The following PPP2R2B variants were observed in gnomAD, a reference collection of about 807,000 sequenced individuals.
PPP2R2B encodes the protein serine/threonine-protein phosphatase 2A 55 kDa regulatory subunit B beta isoform.
A neutral mutation model predicts 46.0 loss-of-function variants in PPP2R2B; 5 were observed. The observed-to-expected ratio is 0.11, with a 90% confidence interval of 0.06 to 0.23. The LOEUF is 0.23. PPP2R2B is among the 10% of genes least tolerant of loss of function. The probability of loss-of-function intolerance (pLI) is 1.00; values close to 1 mark genes in which losing one functional copy is unlikely to be tolerated. For synonymous variants in PPP2R2B, 215 were observed against 206.7 expected (o/e 1.04, Z -0.34); for missense variants, 367 against 575.0 (o/e 0.64, Z 3.70).
chr5:147,077,723 C>G (rs532104175), intron 2 of PPP2R2B, among the ~76,000 whole-genome samples: 6 of 152,114 alleles, frequency 3.9e-5, no homozygotes, highest in Non-Finnish European at 2.9e-5. Context: ...TGTGACCAAC[C>G]TAATTCTTCT....
intron 1 of PPP2R2B, among the ~76,000 whole-genome samples, chr5:146,943,039 C>T (rs563245783): frequency 6.6e-5 from 10 of 152,198 alleles, no homozygotes; most frequent in South Asian, 2.1e-4. Flanking sequence ...ACTCGTGATC[C>T]GCCCACCTGG....
upstream of PPP2R2B, among the ~76,000 whole-genome samples, chr5:147,060,650 A>AAAC (rs1561606421): frequency 4.6e-5 from 7 of 152,090 alleles, no homozygotes; most frequent in African/African-American, 1.7e-4. Flanking sequence ...GAAACAACAA[A>AAAC]AAAACAAAAC....
chr5:146,768,888 C>CT (rs35054666), intron 2 of PPP2R2B, among the ~76,000 whole-genome samples: 82,769 of 145,250 alleles, frequency 0.57, 24,904 homozygotes, highest in Non-Finnish European at 0.67. Flanking sequence ...TTTGTTGTTA[C>CT]TTTTTTTTTT....
chr5:146,818,670 A>G (rs888177388), intron 2 of PPP2R2B, among the ~76,000 whole-genome samples: 12 of 152,154 alleles, frequency 7.9e-5, no homozygotes, highest in African/African-American at 2.9e-4. Flanking sequence ...TTTCTACTTT[A>G]CAGATGAGAA....
intron 6 of PPP2R2B, among the ~76,000 whole-genome samples, chr5:146,643,204 G>C (rs575721756): frequency 4.6e-5 from 7 of 152,170 alleles, no homozygotes; most frequent in Middle Eastern, 3.4e-3. Flanking sequence ...GAGAGAGAGA[G>C]AGGGAGACAG....
At chr5:146,749,752 C>T (rs1753434065) in intron 2 of PPP2R2B, among the ~76,000 whole-genome samples, 1 of 151,876 alleles carries the variant, frequency 6.6e-6, no homozygotes, top group Admixed American at 6.6e-5. Context: ...GCGCCTGCCA[C>T]CATGCCCGGC....
chr5:146,698,124 A>G lies in PPP2R2B; in HGVS notation c.189T>C (p.Arg63=), dbSNP rs1779288556. 1 of 1,598,772 alleles carries G rather than the reference A, an allele frequency of 6.3e-7. No individual in the cohort carries two copies. Among genetic ancestry groups the G allele is most frequent in the East Asian group, 2.3e-5 (1 of 44,052 alleles). Residue 63 remains arginine, a synonymous_variant, in exon 4 of 10, where the codon CGT becomes CGC. Coordinates refer to ENST00000394411, the MANE Select transcript of PPP2R2B (RefSeq NM_181675.4). ...TGCTGTAAACATTGTATTCACCCCT[A>G]CGATGAACCTGATTTTTACTCTGTA... ...REQESKNQVH[R]RGEYNVYSTF...
chr5:146,653,265 A>G (rs1776099046), intron 5 of PPP2R2B, among the ~76,000 whole-genome samples: 1 of 152,152 alleles, frequency 6.6e-6, no homozygotes, highest in South Asian at 2.1e-4. Context: ...GGTATGATAA[A>G]TGCTCTGAAA....
intron 1 of PPP2R2B, among the ~76,000 whole-genome samples, chr5:146,910,720 GATC>G (rs1763147952): frequency 6.6e-6 from 1 of 152,098 alleles, no homozygotes; most frequent in Non-Finnish European, 1.5e-5. Flanking sequence ...TGTACAATTT[GATC>G]ATGTTACCTA....
intron 5 of PPP2R2B, among the ~76,000 whole-genome samples, chr5:146,688,267 T>C (rs1020415863): frequency 2.6e-5 from 4 of 151,764 alleles, no homozygotes; most frequent in African/African-American, 4.8e-5. Flanking sequence ...AGAGGTTATA[T>C]AGCAAATATA....
At chr5:146,941,233 C>T (rs1197607689) in intron 1 of PPP2R2B, among the ~76,000 whole-genome samples, 1 of 152,156 alleles carries the variant, frequency 6.6e-6, no homozygotes, top group Non-Finnish European at 1.5e-5. Context: ...CCAACAAATG[C>T]CATATGTCTG....
intron 2 of PPP2R2B, among the ~76,000 whole-genome samples, chr5:146,802,882 T>G (rs942592598): frequency 6.6e-6 from 1 of 152,206 alleles, no homozygotes; most frequent in African/African-American, 2.4e-5. Context: ...ACAGGACTTC[T>G]GGGGAATTGG....
At chr5:147,079,437 T>TATATATAC (rs1757902499) in intron 2 of PPP2R2B, among the ~76,000 whole-genome samples, 1 of 44,022 alleles carries the variant, frequency 2.3e-5, no homozygotes, top group African/African-American at 6.4e-5. Context: ...ACACATTTTA[T>TATATATAC]ATATATACAT....
intron 1 of PPP2R2B, among the ~76,000 whole-genome samples, chr5:146,890,967 G>T (rs1166897447): frequency 6.6e-6 from 1 of 152,116 alleles, no homozygotes; most frequent in Non-Finnish European, 1.5e-5. Flanking sequence ...AAGAAAAAGA[G>T]AGAGAGAGAA....
chr5:146,917,700 C>T (rs1582422780), intron 1 of PPP2R2B: 1 of 152,172 alleles, frequency 6.6e-6, no homozygotes, highest in South Asian at 2.1e-4. Context: ...CAGTGGCTGG[C>T]AAAATCAACC....
At chr5:146,985,092 C>T (rs1345434797) in intron 1 of PPP2R2B, among the ~76,000 whole-genome samples, 8 of 142,234 alleles carry the variant, frequency 5.6e-5, no homozygotes, top group Non-Finnish European at 1.1e-4. Flanking sequence ...GTGATCTCGG[C>T]TCACTGCAAC....
chr5:146,994,161 G>C (rs530721366), intron 1 of PPP2R2B, among the ~76,000 whole-genome samples: 1 of 152,256 alleles, frequency 6.6e-6, no homozygotes, highest in Admixed American at 6.5e-5. Context: ...CAACAACTCA[G>C]TGCAGCTCCA....
chr5:146,715,114 G>A (rs2151186421), intron 2 of PPP2R2B, among the ~76,000 whole-genome samples: 1 of 151,966 alleles, frequency 6.6e-6, no homozygotes, highest in Admixed American at 6.6e-5. Context: ...GTCAGAGTGG[G>A]GAAAAAAACC....
In PPP2R2B at chr5:146,794,498, C is replaced by T. The variant is rs115806064; in HGVS notation, c.70+83504G>A. On this transcript the variant is annotated intron_variant, in intron 2 of 9. Coordinates refer to ENST00000394411, the MANE Select transcript of PPP2R2B (RefSeq NM_181675.4). Reference sequence around the variant, plus strand: ...AAGTGACTGTACTTACAATAAACTGCCACAGCAGAGCTATAAATAAAATGG... The same window carrying T: ...AAGTGACTGTACTTACAATAAACTGTCACAGCAGAGCTATAAATAAAATGG... 8.3e-3 allele frequency among the ~76,000 whole-genome samples: 1,264 copies of T among 152,244 alleles called. 20 individuals are homozygous for T. Among genetic ancestry groups the T allele is most frequent in the African/African-American group, 0.029 (1,196 of 41,534 alleles).
Sources: allele counts gnomAD v4.1 joint callset (sites outside exome capture counted in the v4.1 genomes callset), GRCh38; gene constraint gnomAD v4.1.1; transcripts MANE v1.5; gene names NCBI Gene and HGNC (gene_info 2026-07-23, HGNC 2026-07-21).